Variants in CDH18 observed in about 807,000 individuals in gnomAD.
The protein encoded by CDH18 is cadherin-18.
CDH18 carries 31 observed loss-of-function variants against 67.9 expected under a neutral mutation model. The observed-to-expected ratio is 0.46, with a 90% CI of 0.34 to 0.62. The LOEUF (loss-of-function observed/expected upper bound fraction) is 0.62. CDH18 is among the 20% of genes least tolerant of loss of function. The pLI is 0.01. For missense variants in CDH18, 890 were observed against 975.5 expected, an observed-to-expected ratio of 0.91 and a Z score of 1.17; for synonymous variants, 362 against 347.2, an observed-to-expected ratio of 1.04 and a Z score of -0.48.
intron 1 of CDH18, among the ~76,000 whole-genome samples, chr5:20,327,173 A>C (rs1330535753): frequency 6.6e-6 from 1 of 152,196 alleles, no homozygotes; most frequent in African/African-American, 2.4e-5. Context: ...TTGCGACCCC[A>C]AACTCATTAT....
At chr5:19,832,726 G>A (rs1378898643) in intron 3 of CDH18, among the ~76,000 whole-genome samples, 4 of 152,030 alleles carry the variant, frequency 2.6e-5, no homozygotes, top group East Asian at 3.9e-4. Flanking sequence ...GAAGGGGTCC[G>A]GTTTCAGTTT....
intron 2 of CDH18, among the ~76,000 whole-genome samples, chr5:19,994,484 T>A (rs1179125062): frequency 1.3e-5 from 2 of 150,368 alleles, no homozygotes; most frequent in African/African-American, 2.4e-5. Context: ...TCTCCGTTTA[T>A]AAATTTTTCC....
At chr5:19,547,867 C>T (rs1580138871) in intron 8 of CDH18, among the ~76,000 whole-genome samples, 1 of 152,208 alleles carries the variant, frequency 6.6e-6, no homozygotes, top group East Asian at 1.9e-4. Flanking sequence ...CTAAATAGTT[C>T]TGCCTAACCA....
chr5:20,069,145 C>G (rs1339091307), intron 2 of CDH18, among the ~76,000 whole-genome samples: 1 of 151,806 alleles, frequency 6.6e-6, no homozygotes, highest in African/African-American at 2.4e-5. Flanking sequence ...GGTTGTCATT[C>G]AAAAACAAGG....
chr5:20,127,415 A>T (rs1355329573), intron 2 of CDH18, among the ~76,000 whole-genome samples: 2 of 152,072 alleles, frequency 1.3e-5, no homozygotes, highest in African/African-American at 4.8e-5. Flanking sequence ...CTAATACAAC[A>T]AGATTCAAGG....
At chr5:20,157,480 T>C (rs1751623553) in intron 2 of CDH18, among the ~76,000 whole-genome samples, 1 of 152,164 alleles carries the variant, frequency 6.6e-6, no homozygotes, top group African/African-American at 2.4e-5. Flanking sequence ...ATTTATGGGG[T>C]ACATGAGAAA....
intron 1 of CDH18, among the ~76,000 whole-genome samples, chr5:20,512,973 C>T (rs1206359779): frequency 6.6e-6 from 1 of 151,926 alleles, no homozygotes; most frequent in Non-Finnish European, 1.5e-5. Context: ...TCGTCAGTCA[C>T]AAGTGGTTTC....
chr5:19,859,304 C>T (rs972433754), intron 2 of CDH18, among the ~76,000 whole-genome samples: 2 of 152,122 alleles, frequency 1.3e-5, no homozygotes, highest in African/African-American at 4.8e-5. Flanking sequence ...ACAAAACAGA[C>T]TTTTGGTAGC....
chr5:19,752,190 G>A (rs1367598711), intron 3 of CDH18, among the ~76,000 whole-genome samples: 1 of 152,224 alleles, frequency 6.6e-6, no homozygotes, highest in East Asian at 1.9e-4. Context: ...TTGGACTCAG[G>A]GGAGGATGCA....
intron 1 of CDH18, among the ~76,000 whole-genome samples, chr5:20,460,398 C>A (rs868160459): frequency 1.1e-3 from 156 of 141,274 alleles, no homozygotes; most frequent in African/African-American, 3.4e-3. Context: ...TCTCTAAATA[C>A]ATAAATAAAT....
intron 1 of CDH18, among the ~76,000 whole-genome samples, chr5:20,352,339 C>G (rs973534631): frequency 6.6e-6 from 1 of 151,474 alleles, no homozygotes; most frequent in Admixed American, 6.6e-5. Flanking sequence ...CTCTAGTTTA[C>G]TTTATTGTAA....
chr5:20,412,332 T>C (rs1746858417), intron 1 of CDH18, among the ~76,000 whole-genome samples: 1 of 152,166 alleles, frequency 6.6e-6, no homozygotes, highest in Non-Finnish European at 1.5e-5. Flanking sequence ...TGAAATAAAC[T>C]GGGCACGTAT....
intron 2 of CDH18, among the ~76,000 whole-genome samples, chr5:20,241,237 A>C (rs1156257387): frequency 1.3e-5 from 2 of 152,302 alleles, no homozygotes; most frequent in Non-Finnish European, 2.9e-5. Flanking sequence ...AGGTGAGACT[A>C]GGCATAATTT....
At chr5:20,299,494 C>G (rs1747793100) in intron 1 of CDH18, among the ~76,000 whole-genome samples, 1 of 150,874 alleles carries the variant, frequency 6.6e-6, no homozygotes, top group South Asian at 2.1e-4. Flanking sequence ...AGGCATAGAA[C>G]AGATGTCTGT....
chr5:20,335,156 CATT>C (rs1739607473), intron 1 of CDH18, among the ~76,000 whole-genome samples: 1 of 152,078 alleles, frequency 6.6e-6, no homozygotes, highest in South Asian at 2.1e-4. Context: ...CTTCCTCCCT[CATT>C]ATGCCTCCTG....
chr5:20,164,127 T>C (rs1736098628), intron 2 of CDH18, among the ~76,000 whole-genome samples: 1 of 152,328 alleles, frequency 6.6e-6, no homozygotes, highest in African/African-American at 2.4e-5. Flanking sequence ...GCAACATGTC[T>C]TTGCTACTTT....
chr5:19,712,158 G>A (rs1764783224), intron 5 of CDH18, among the ~76,000 whole-genome samples: 1 of 151,998 alleles, frequency 6.6e-6, no homozygotes, highest in African/African-American at 2.4e-5. Flanking sequence ...ACTCTGAAGG[G>A]TGGGCAGGAA....
intron 5 of CDH18, among the ~76,000 whole-genome samples, chr5:19,657,801 T>A (rs566300130): frequency 1.3e-5 from 2 of 152,260 alleles, no homozygotes; most frequent in East Asian, 3.9e-4. Flanking sequence ...AGCACATGTT[T>A]CTTGGACTAG....
At chr5:19,912,337 G>A (rs1241700343) in intron 2 of CDH18, among the ~76,000 whole-genome samples, 1 of 152,044 alleles carries the variant, frequency 6.6e-6, no homozygotes, top group East Asian at 1.9e-4. Context: ...TGAGGCTCTG[G>A]GAGTTTAAGG....
Sources: allele counts gnomAD v4.1 joint callset (sites outside exome capture counted in the v4.1 genomes callset), GRCh38; gene constraint gnomAD v4.1.1; transcripts MANE v1.5; gene names NCBI Gene and HGNC (gene_info 2026-07-23, HGNC 2026-07-21).